Variants in CDH20 observed in about 807,000 individuals in gnomAD.
The protein encoded by CDH20 is cadherin-20.
In CDH20, 29 loss-of-function variants were observed where a neutral mutation model predicts 74.2. That is an observed-to-expected ratio of 0.39 (90% CI 0.29 to 0.53). The LOEUF (loss-of-function observed/expected upper bound fraction) is 0.53. Among genes scored for constraint, CDH20 ranks in the 20% least tolerant of loss-of-function variants. The pLI is 0.69. For missense variants in CDH20, 988 were observed against 1,048.3 expected, an observed-to-expected ratio of 0.94 and a Z score of 0.79; for synonymous variants, 469 against 405.4, an observed-to-expected ratio of 1.16 and a Z score of -1.88.
intron 1 of CDH20, among the ~76,000 whole-genome samples, chr18:61,341,600 T>A (rs1337431008): frequency 6.6e-6 from 1 of 152,184 alleles, no homozygotes; most frequent in Non-Finnish European, 1.5e-5. Flanking sequence ...AGACTTCACA[T>A]CAATTTGCAG....
rs200313796 is a variant in CDH20 at position 61,490,706 on chromosome 18, A to G, written c.153A>G (p.Pro51=). ...GELEALLSDK[P]QSHQRTKRSW... is the part of the protein sequence containing the mutation. ...TAGAAGCACTCCTGTCAGACAAGCC[A>G]CAGTCACATCAGCGGACCAAGAGGA... The change falls in exon 2 of 12, where the codon CCA becomes CCG. Residue 51 remains proline (P), a synonymous_variant. Transcript: ENST00000262717. The G allele has an allele frequency of 6.2e-7, 1 of 1,614,208 alleles. No homozygotes were observed. The highest frequency in any genetic ancestry group is 8.5e-7 in the Non-Finnish European group (1 of 1,180,030).
chr18:61,450,700 T>C (rs1360091322), intron 1 of CDH20, among the ~76,000 whole-genome samples: 2 of 152,074 alleles, frequency 1.3e-5, no homozygotes, highest in Non-Finnish European at 2.9e-5. Context: ...TATAGAGATA[T>C]AATTTTTTAC....
intron 1 of CDH20, among the ~76,000 whole-genome samples, chr18:61,406,808 T>G (rs544536597): frequency 6.4e-4 from 97 of 152,282 alleles, no homozygotes; most frequent in African/African-American, 2.3e-3. Flanking sequence ...AATAAAGCCA[T>G]AGTAAGTCAG....
intron 9 of CDH20, among the ~76,000 whole-genome samples, chr18:61,543,151 G>A (rs1041308436): frequency 9.9e-5 from 15 of 152,156 alleles, no homozygotes; most frequent in African/African-American, 3.1e-4. Flanking sequence ...AAAAGGCCCC[G>A]ATGGGAGCTC....
Position 61,539,150 on chromosome 18 carries a change from GGTGGCCT to G in CDH20, c.1530+10_1530+16del. Reference sequence around the variant, plus strand: ...GAGAACGCCAAGGCAGGACAGGTAAGGTGGCCTGTGGGTGGTGCACTCTGCTTAACCC... The same window carrying G: ...GAGAACGCCAAGGCAGGACAGGTAAGGTGGGTGGTGCACTCTGCTTAACCC... On this transcript the variant is annotated splice_donor_region_variant and intron_variant, in intron 9 of 11. Transcript: ENST00000262717. 6.2e-7 allele frequency: 1 copy of G among 1,614,026 alleles called. No individual in the cohort carries two copies. Among genetic ancestry groups the G allele is most frequent in the Non-Finnish European group, 8.5e-7 (1 of 1,179,976 alleles).
rs1163457505 is a variant in CDH20, at chr18:61,539,085, T to C, written c.1470T>C (p.Asn490=). Residue 490 remains asparagine (N), a synonymous_variant, in exon 9 of 12, where the codon AAT becomes AAC. Coordinates refer to ENST00000262717, the MANE Select transcript of CDH20 (RefSeq NM_031891.4). ...VTIKVLDVND[N]APEFPRFYEA... ...TCAAAGTCTTAGATGTGAATGACAATGCTCCAGAGTTCCCCAGATTCTATG... is the reference window on the plus strand; with the variant it reads ...TCAAAGTCTTAGATGTGAATGACAACGCTCCAGAGTTCCCCAGATTCTATG... 2 of 1,613,890 alleles carry C rather than the reference T, an allele frequency of 1.2e-6. No individual in the cohort carries two copies. The highest frequency in any genetic ancestry group is 2.7e-5 in the African/African-American group (2 of 74,912).
intron 1 of CDH20, among the ~76,000 whole-genome samples, chr18:61,476,240 C>A (rs1280973071): frequency 6.6e-6 from 1 of 152,128 alleles, no homozygotes; most frequent in Admixed American, 6.6e-5. Context: ...CAACTGCCAT[C>A]CCCAAAGTCA....
chr18:61,488,833 C>A (rs900865298), intron 1 of CDH20, among the ~76,000 whole-genome samples: 1 of 152,152 alleles, frequency 6.6e-6, no homozygotes, highest in Non-Finnish European at 1.5e-5. Flanking sequence ...GGTTAAATTC[C>A]TTCTTCCCAA....
At chr18:61,517,699 T>TTGA (rs1397195993) in intron 6 of CDH20, among the ~76,000 whole-genome samples, 1 of 146,600 alleles carries the variant, frequency 6.8e-6, no homozygotes, top group Non-Finnish European at 1.5e-5. Context: ...GTTTTTTTTG[T>TTGA]TGTTGTTGTT....
chr18:61,510,515 T>A (rs2144335803), intron 6 of CDH20, among the ~76,000 whole-genome samples: 1 of 152,312 alleles, frequency 6.6e-6, no homozygotes, highest in East Asian at 1.9e-4. Flanking sequence ...TATAACTTTT[T>A]TCTATGCTAT....
At chr18:61,402,175 G>C (rs1912176252) in intron 1 of CDH20, among the ~76,000 whole-genome samples, 1 of 152,090 alleles carries the variant, frequency 6.6e-6, no homozygotes, top group African/African-American at 2.4e-5. Flanking sequence ...CTGACCCCCA[G>C]GTTCTGTGGA....
chr18:61,364,159 G>T (rs1030708102), intron 1 of CDH20, among the ~76,000 whole-genome samples: 3 of 152,156 alleles, frequency 2.0e-5, no homozygotes, highest in Non-Finnish European at 4.4e-5. Context: ...TGGTGCTATA[G>T]TTTGGATGTC....
intron 2 of CDH20, among the ~76,000 whole-genome samples, chr18:61,496,073 CT>C (rs1911132937): frequency 2.3e-5 from 1 of 43,926 alleles, no homozygotes; most frequent in Non-Finnish European, 5.1e-5. Flanking sequence ...CTCCCTTCCT[CT>C]CCCCCCTCTC....
intron 1 of CDH20, among the ~76,000 whole-genome samples, chr18:61,427,242 G>T (rs1913103251): frequency 6.6e-6 from 1 of 152,086 alleles, no homozygotes; most frequent in South Asian, 2.1e-4. Context: ...TGAGGCATTT[G>T]CTATGTGGCA....
At chr18:61,479,658 C>G (rs1910518423) in intron 1 of CDH20, among the ~76,000 whole-genome samples, 1 of 22,374 alleles carries the variant, frequency 4.5e-5, no homozygotes, top group Admixed American at 3.1e-4. Context: ...ATGTGTGTGT[C>G]ACTATTTTTC....
intron 1 of CDH20, among the ~76,000 whole-genome samples, chr18:61,455,929 G>A (rs1210851880): frequency 6.6e-6 from 1 of 152,166 alleles, no homozygotes. Context: ...TCTTCACGTT[G>A]AGCATTGCTT....
At chr18:61,537,745 C>T (rs1912859982) in intron 8 of CDH20, among the ~76,000 whole-genome samples, 1 of 151,890 alleles carries the variant, frequency 6.6e-6, no homozygotes, top group South Asian at 2.1e-4. Context: ...TAGACAAACA[C>T]CACTGTTATA....
At chr18:61,356,278 C>T (rs905036555) in intron 1 of CDH20, among the ~76,000 whole-genome samples, 3 of 152,114 alleles carry the variant, frequency 2.0e-5, no homozygotes, top group Non-Finnish European at 4.4e-5. Flanking sequence ...TGCATTCTAC[C>T]TTTTGTACTT....
chr18:61,344,704 A>G (rs377093228), intron 1 of CDH20, among the ~76,000 whole-genome samples: 3 of 152,292 alleles, frequency 2.0e-5, no homozygotes, highest in South Asian at 2.1e-4. Context: ...AAAAATGTCT[A>G]TGGAAGAAAG....
Sources: gnomAD v4.1 joint callset for allele counts (sites outside exome capture counted in the v4.1 genomes callset) on GRCh38, gnomAD v4.1.1 for gene constraint, MANE v1.5 for transcripts, NCBI Gene and HGNC (gene_info 2026-07-23, HGNC 2026-07-21) for gene names.